The following ADGRL3 variants were observed in gnomAD, a reference collection of about 807,000 sequenced individuals.
ADGRL3 encodes the protein adhesion G protein-coupled receptor L3.
In ADGRL3, 62 loss-of-function variants were observed where a neutral mutation model predicts 153.5. The observed-to-expected ratio is 0.40, with a 90% CI of 0.33 to 0.50. The LOEUF (loss-of-function observed/expected upper bound fraction) is 0.50, where lower values mean the gene tolerates loss of function less well. Ranked by LOEUF, ADGRL3 falls within the 20% of genes least tolerant of loss-of-function variation. The pLI, the probability that ADGRL3 is intolerant of heterozygous loss-of-function variation, is 0.47. For missense variants in ADGRL3, 1,641 were observed against 1,859.4 expected, an observed-to-expected ratio of 0.88 and a Z score of 2.16; for synonymous variants, 710 against 672.5, an observed-to-expected ratio of 1.06 and a Z score of -0.86.
chr4:61,232,237 G>C (rs1159544261), intron 1 of ADGRL3, among the ~76,000 whole-genome samples: 2 of 151,970 alleles, frequency 1.3e-5, no homozygotes, highest in African/African-American at 4.8e-5. Flanking sequence ...GCTCTGAAGA[G>C]ACAGAATATC....
chr4:61,461,254 A>T (rs1418914268), intron 2 of ADGRL3, among the ~76,000 whole-genome samples: 1 of 152,174 alleles, frequency 6.6e-6, no homozygotes, highest in Non-Finnish European at 1.5e-5. Context: ...AAACCATACC[A>T]GTTAGTACCA....
chr4:62,070,187 G>A lies in ADGRL3; in HGVS notation c.3911G>A (p.Ser1304Asn), dbSNP rs540883850. The A allele has an allele frequency of 6.2e-7, 1 of 1,613,962 alleles. No homozygotes were observed. The highest frequency in any genetic ancestry group is 1.3e-5 in the African/African-American group (1 of 75,006). ...PLNGNHGNSY[S>N]IASGEYLSNC... ...AATGGTAACCATGGCAATAGTTACA[G>A]CATTGCCAGCGGCGAATACCTGAGC... is the stretch of plus-strand genomic sequence containing the variant. The change falls in exon 27 of 27, where the codon AGC (serine) becomes AAC (asparagine). Residue 1304 changes from serine (S) to asparagine (N), a missense_variant. Coordinates refer to ENST00000683033, the MANE Select transcript of ADGRL3 (RefSeq NM_001387552.1).
intron 2 of ADGRL3, among the ~76,000 whole-genome samples, chr4:61,473,240 TG>T (rs2097991044): frequency 6.7e-6 from 1 of 149,874 alleles, no homozygotes; most frequent in African/African-American, 2.5e-5. Flanking sequence ...TGTGTGTGTG[TG>T]TGGTCTTTTT....
chr4:61,892,818 T>C lies in ADGRL3; in HGVS notation c.1643T>C (p.Met548Thr). The C allele has an allele frequency of 6.2e-7, 1 of 1,613,830 alleles. No homozygotes were observed. Among genetic ancestry groups the C allele is most frequent in the Non-Finnish European group, 8.5e-7 (1 of 1,179,862 alleles). The change falls in exon 10 of 27, where the codon ATG becomes ACG. Residue 548 changes from methionine to threonine, a missense_variant. Physicochemically the swap from Met to Thr is moderately conservative, Grantham distance 81 (BLOSUM62 -1). Transcript: ENST00000683033. ...PSPAVEVLDD[M>T]TTHLPSASSQ... ...CCAGCTGTCGAGGTACTTGATGACA[T>C]GACCACACACCTTCCATCAGCATCG...
At chr4:61,754,279 A>T (rs1055810132) in intron 8 of ADGRL3, among the ~76,000 whole-genome samples, 2 of 152,176 alleles carry the variant, frequency 1.3e-5, no homozygotes, top group African/African-American at 4.8e-5. Flanking sequence ...TTATTCATAT[A>T]TTTATATTGC....
rs1050604705 is a variant in ADGRL3 at position 61,417,575 on chromosome 4, G to GA, written c.-174+34398dup. Among the ~76,000 whole-genome samples the GA allele has an allele frequency of 2.8e-3, 385 of 138,880 alleles. 1 individual carries two copies. The highest frequency in any genetic ancestry group is 7.4e-3 in the African/African-American group (283 of 38,008). The allele number at this position is 138,880 out of a possible 152,430, so 91.1% of individuals were successfully genotyped here. A position where few individuals can be genotyped will look rare whatever the true frequency, so the allele number is the denominator to read the frequency against. ...AGACAGTTTGTGAAGCACTGGTTTC[G>GA]AAAAAAAAAAAAGTCTTGTTTGAGG... is the stretch of plus-strand genomic sequence containing the variant. On this transcript the variant is annotated intron_variant, in intron 2 of 26. Coordinates refer to ENST00000683033, the MANE Select transcript of ADGRL3 (RefSeq NM_001387552.1).
Position 61,232,073 on chromosome 4 carries a change from G to A in ADGRL3, c.-240+30308G>A, listed in dbSNP as rs552195957. ...GCCCCAGTCTCCTAGTCTGAAGACA[G>A]TGGAGAGAATTGTTATATCTCCCTT... On this transcript the variant is annotated intron_variant, in intron 1 of 26. Coordinates refer to ENST00000683033, the MANE Select transcript of ADGRL3 (RefSeq NM_001387552.1). Among the ~76,000 whole-genome samples, 14 of 152,198 alleles carry A rather than the reference G, an allele frequency of 9.2e-5. No individual in the cohort carries two copies. The South Asian group carries it at 2.9e-3, about 32-fold the overall frequency.
chr4:61,237,260 C>G (rs979422365), intron 1 of ADGRL3, among the ~76,000 whole-genome samples: 1 of 152,090 alleles, frequency 6.6e-6, no homozygotes, highest in African/African-American at 2.4e-5. Context: ...TTTTAAGTAG[C>G]ATTAAATGAA....
At chr4:61,797,764 A>G (rs2097432431) in intron 8 of ADGRL3, among the ~76,000 whole-genome samples, 1 of 152,086 alleles carries the variant, frequency 6.6e-6, no homozygotes, top group African/African-American at 2.4e-5. Flanking sequence ...CTATCATGTC[A>G]ATGAATTCCC....
intron 12 of ADGRL3, among the ~76,000 whole-genome samples, chr4:61,912,242 A>G (rs949194376): frequency 3.3e-5 from 5 of 152,154 alleles, no homozygotes; most frequent in Non-Finnish European, 7.4e-5. Flanking sequence ...AAGTTTTTGT[A>G]TATATGAAGA....
intron 6 of ADGRL3, among the ~76,000 whole-genome samples, chr4:61,724,892 G>A (rs532036709): frequency 6.2e-4 from 94 of 152,166 alleles, no homozygotes; most frequent in Non-Finnish European, 1.1e-3. Flanking sequence ...GCACAGGTTT[G>A]TTTCCAGTTA....
At chr4:61,414,729 G>C (rs2097127589) in intron 2 of ADGRL3, among the ~76,000 whole-genome samples, 1 of 151,518 alleles carries the variant, frequency 6.6e-6, no homozygotes, top group Non-Finnish European at 1.5e-5. Flanking sequence ...GGTTATGTTT[G>C]TTCTGCTTGA....
At chr4:61,734,143 T>C (rs2096479273) in intron 8 of ADGRL3, among the ~76,000 whole-genome samples, 1 of 152,190 alleles carries the variant, frequency 6.6e-6, no homozygotes, top group Admixed American at 6.5e-5. Flanking sequence ...GACATTGCAA[T>C]TTTTTATAGA....
chr4:61,647,142 C>G (rs939561741), intron 5 of ADGRL3, among the ~76,000 whole-genome samples: 2 of 152,198 alleles, frequency 1.3e-5, no homozygotes, highest in South Asian at 2.1e-4. Flanking sequence ...AGCTCCTGCG[C>G]GGTGCACTGC....
At chr4:61,233,029 A>C (rs941634272) in intron 1 of ADGRL3, among the ~76,000 whole-genome samples, 4 of 152,148 alleles carry the variant, frequency 2.6e-5, no homozygotes, top group Non-Finnish European at 5.9e-5. Context: ...TATGTGCTTG[A>C]ATATTTGTAT....
At chr4:61,989,322 A>G (rs953882641) in intron 19 of ADGRL3, among the ~76,000 whole-genome samples, 1 of 152,118 alleles carries the variant, frequency 6.6e-6, no homozygotes, top group Non-Finnish European at 1.5e-5. Flanking sequence ...ATATGATGTT[A>G]TAAAATGTTC....
At chr4:61,985,954 A>G (rs1278494337) in intron 19 of ADGRL3, among the ~76,000 whole-genome samples, 7 of 149,416 alleles carry the variant, frequency 4.7e-5, no homozygotes, top group Non-Finnish European at 1.0e-4. Flanking sequence ...GTCCCTAAAG[A>G]TGTCTTAGGG....
At chr4:61,909,779 G>GTC (rs1560361614) in intron 12 of ADGRL3, 34 bp downstream of exon 12, 2 of 1,346,326 alleles carry the variant, frequency 1.5e-6, no homozygotes, top group Admixed American at 5.4e-5. Context: ...GTGTGTGTGT[G>GTC]TGTGTGTGTG....
chr4:61,558,594 T>C (rs191335143), intron 4 of ADGRL3, among the ~76,000 whole-genome samples: 59 of 152,118 alleles, frequency 3.9e-4, no homozygotes, highest in African/African-American at 1.3e-3. Flanking sequence ...ATATAACATC[T>C]ATCATCTATC....
Sources: allele counts gnomAD v4.1 joint callset (sites outside exome capture counted in the v4.1 genomes callset), GRCh38; gene constraint gnomAD v4.1.1; transcripts MANE v1.5; gene names NCBI Gene and HGNC (gene_info 2026-07-23, HGNC 2026-07-21).